The following SYNDIG1 variants were observed in gnomAD, a reference collection of about 807,000 sequenced individuals.
The protein encoded by SYNDIG1 is synapse differentiation-inducing gene protein 1.
Under a neutral mutation model 19.4 loss-of-function variants are expected in SYNDIG1, and 9 were observed. The ratio of observed to expected loss-of-function variants is 0.46; its 90% confidence interval spans 0.28 to 0.81. The LOEUF (loss-of-function observed/expected upper bound fraction) is 0.81. Among genes scored for constraint, SYNDIG1 ranks in the 30% least tolerant of loss-of-function variants. The pLI, the probability that SYNDIG1 is intolerant of heterozygous loss-of-function variation, is 0.12. For synonymous variants in SYNDIG1, 141 were observed against 145.9 expected, an observed-to-expected ratio of 0.97 and a Z score of 0.24; for missense variants, 311 against 343.3, an observed-to-expected ratio of 0.91 and a Z score of 0.74.
chr20:24,590,765 A>G (rs966397360), intron 3 of SYNDIG1, among the ~76,000 whole-genome samples: 2 of 152,076 alleles, frequency 1.3e-5, no homozygotes, highest in African/African-American at 4.8e-5. Flanking sequence ...GGCTCCAGGG[A>G]GACGTCTGGG....
intron 3 of SYNDIG1, among the ~76,000 whole-genome samples, chr20:24,586,603 G>A (rs1044970762): frequency 1.3e-5 from 2 of 152,206 alleles, no homozygotes; most frequent in Non-Finnish European, 2.9e-5. Context: ...GATTGGGCCC[G>A]GGAGCTGGAC....
intron 2 of SYNDIG1, among the ~76,000 whole-genome samples, chr20:24,579,687 C>T (rs1213240341): frequency 1.3e-5 from 2 of 152,152 alleles, no homozygotes; most frequent in African/African-American, 4.8e-5. Context: ...GGACACAGCT[C>T]CACGTTGGCC....
At chr20:24,498,354 G>A (rs1364351952) in intron 1 of SYNDIG1, among the ~76,000 whole-genome samples, 2 of 152,140 alleles carry the variant, frequency 1.3e-5, no homozygotes, top group African/African-American at 2.4e-5. Flanking sequence ...AAAATTATAA[G>A]TGTATATTAT....
intron 3 of SYNDIG1, among the ~76,000 whole-genome samples, chr20:24,601,641 G>A (rs921495341): frequency 1.3e-5 from 2 of 152,060 alleles, no homozygotes; most frequent in African/African-American, 4.8e-5. Context: ...TCTTTTCTGG[G>A]GATGGATGGA....
At chr20:24,533,360 C>G (rs2057299505) in intron 1 of SYNDIG1, among the ~76,000 whole-genome samples, 1 of 152,160 alleles carries the variant, frequency 6.6e-6, no homozygotes, top group South Asian at 2.1e-4. Flanking sequence ...CCAGTTCTGA[C>G]CACAGAAACA....
chr20:24,630,930 A>C (rs1341505694), intron 3 of SYNDIG1, among the ~76,000 whole-genome samples: 1 of 152,266 alleles, frequency 6.6e-6, no homozygotes, highest in Non-Finnish European at 1.5e-5. Flanking sequence ...CTCTAAAGAA[A>C]GGAGGACAGC....
At chr20:24,613,173 A>T (rs1337679180) in intron 3 of SYNDIG1, among the ~76,000 whole-genome samples, 1 of 152,130 alleles carries the variant, frequency 6.6e-6, no homozygotes, top group African/African-American at 2.4e-5. Flanking sequence ...TGGGGTTGGA[A>T]GTTTGGAAAG....
intron 1 of SYNDIG1, among the ~76,000 whole-genome samples, chr20:24,531,365 A>G (rs1217246466): frequency 6.6e-6 from 1 of 152,184 alleles, no homozygotes; most frequent in Non-Finnish European, 1.5e-5. Context: ...TGAAAGGAGT[A>G]GGTATGTTTA....
chr20:24,618,003 G>A (rs1423162666), intron 3 of SYNDIG1, among the ~76,000 whole-genome samples: 1 of 144,536 alleles, frequency 6.9e-6, no homozygotes, highest in Admixed American at 6.8e-5. Context: ...GAGAGCCTGG[G>A]GAAGGGAGAT....
chr20:24,502,071 T>C (rs2056468552), intron 1 of SYNDIG1: 1 of 152,364 alleles, frequency 6.6e-6, no homozygotes, highest in Admixed American at 6.5e-5. Context: ...GAATGTCCTA[T>C]ACAGTCCCCT....
chr20:24,622,889 A>G (rs1301232849), intron 3 of SYNDIG1, among the ~76,000 whole-genome samples: 2 of 100,926 alleles, frequency 2.0e-5, no homozygotes, highest in African/African-American at 5.3e-5. Context: ...AAAAACAAAA[A>G]CAAACCAACA....
intron 1 of SYNDIG1, among the ~76,000 whole-genome samples, chr20:24,515,309 A>G (rs1387339957): frequency 6.6e-6 from 1 of 152,168 alleles, no homozygotes; most frequent in South Asian, 2.1e-4. Flanking sequence ...GACACAAAAA[A>G]CCCTTCAGAA....
intron 3 of SYNDIG1, among the ~76,000 whole-genome samples, chr20:24,652,405 C>T (rs2059482044): frequency 6.6e-6 from 1 of 152,164 alleles, no homozygotes; most frequent in South Asian, 2.1e-4. Context: ...GTTCACAAAA[C>T]TTATATGAGC....
At chr20:24,556,635 C>G (rs1215101919) in intron 2 of SYNDIG1, among the ~76,000 whole-genome samples, 1 of 152,196 alleles carries the variant, frequency 6.6e-6, no homozygotes, top group East Asian at 1.9e-4. Flanking sequence ...CAATTGGCCC[C>G]CGCTGTCTTC....
intron 2 of SYNDIG1, among the ~76,000 whole-genome samples, chr20:24,562,684 T>C (rs1353364637): frequency 6.6e-6 from 1 of 152,190 alleles, no homozygotes; most frequent in Non-Finnish European, 1.5e-5. Flanking sequence ...CAAATGTGTG[T>C]GCTGAGAAAA....
At chr20:24,493,692 G>A (rs1193568582) in intron 1 of SYNDIG1, among the ~76,000 whole-genome samples, 1 of 152,234 alleles carries the variant, frequency 6.6e-6, no homozygotes, top group African/African-American at 2.4e-5. Context: ...ATGCTCAGTG[G>A]AGTTGGTGAG....
chr20:24,643,080 C>CATAT (rs148680415), intron 3 of SYNDIG1, among the ~76,000 whole-genome samples: 6 of 151,806 alleles, frequency 4.0e-5, no homozygotes, highest in African/African-American at 1.5e-4. Context: ...TATTTATGTA[C>CATAT]ATATATATAT....
intron 1 of SYNDIG1, among the ~76,000 whole-genome samples, chr20:24,523,534 A>G (rs568801814): frequency 6.6e-6 from 1 of 152,354 alleles, no homozygotes; most frequent in African/African-American, 2.4e-5. Context: ...AGTTTTGGTA[A>G]TAAGTTAATA....
At chr20:24,554,925 ATC>A (rs1366674546) in intron 2 of SYNDIG1, among the ~76,000 whole-genome samples, 1 of 151,686 alleles carries the variant, frequency 6.6e-6, no homozygotes, top group Non-Finnish European at 1.5e-5. Flanking sequence ...CTGTGAATCC[ATC>A]TGGTCCTGGA....
Sources: gnomAD v4.1 joint callset for allele counts (sites outside exome capture counted in the v4.1 genomes callset) on GRCh38, gnomAD v4.1.1 for gene constraint, MANE v1.5 for transcripts, NCBI Gene and HGNC (gene_info 2026-07-23, HGNC 2026-07-21) for gene names.